Variants in AKAP6 observed in about 807,000 individuals in gnomAD.
AKAP6 encodes the protein A-kinase anchoring protein 6.
Under a neutral mutation model 188.5 loss-of-function variants are expected in AKAP6, and 58 were observed. The observed-to-expected ratio is 0.31, with a 90% CI of 0.25 to 0.38. The LOEUF (loss-of-function observed/expected upper bound fraction) is 0.38, where lower values mean the gene tolerates loss of function less well. AKAP6 is among the 10% of genes least tolerant of loss of function. AKAP6 has a pLI of 1.00. For synonymous variants in AKAP6, 989 were observed against 998.6 expected, an observed-to-expected ratio of 0.99 and a Z score of 0.18; for missense variants, 2,710 against 2,740.0, an observed-to-expected ratio of 0.99 and a Z score of 0.24.
chr14:32,510,436 G>GTATATATATATATACATATATA (rs1555335161), intron 2 of AKAP6, among the ~76,000 whole-genome samples: 48 of 30,214 alleles, frequency 1.6e-3, no homozygotes, highest in South Asian at 3.0e-3. Flanking sequence ...ATATATATAT[G>GTATATATATATATACATATATA]TGTATATATA....
intron 1 of AKAP6, among the ~76,000 whole-genome samples, chr14:32,382,679 T>C (rs544408704): frequency 1.8e-4 from 27 of 152,174 alleles, no homozygotes; most frequent in South Asian, 6.2e-4. Flanking sequence ...TACAGTGGCA[T>C]GTCCAGAGAA....
At chr14:32,732,921 C>T (rs976696457) in intron 10 of AKAP6, 3 of 493,950 alleles carry the variant, frequency 6.1e-6, no homozygotes, top group South Asian at 3.5e-5. Flanking sequence ...TACTGACTGT[C>T]ATGCTTGAAT....
chr14:32,626,679 C>T (rs921480957), intron 7 of AKAP6, among the ~76,000 whole-genome samples: 2 of 152,054 alleles, frequency 1.3e-5, no homozygotes, highest in Non-Finnish European at 2.9e-5. Flanking sequence ...TTCATCCAAC[C>T]TCTATTTCTT....
chr14:32,565,001 A>T (rs2139220413), intron 4 of AKAP6, among the ~76,000 whole-genome samples: 1 of 152,288 alleles, frequency 6.6e-6, no homozygotes, highest in East Asian at 1.9e-4. Context: ...AGAATCATTG[A>T]GATAGACAAC....
At chr14:32,429,761 A>T (rs959060735) in intron 1 of AKAP6, among the ~76,000 whole-genome samples, 1 of 152,208 alleles carries the variant, frequency 6.6e-6, no homozygotes, top group African/African-American at 2.4e-5. Context: ...GTGTAGTCTG[A>T]TCAGTTGAAT....
chr14:32,741,063 G>A (rs112531938), intron 11 of AKAP6, among the ~76,000 whole-genome samples: 37 of 136,934 alleles, frequency 2.7e-4, no homozygotes, highest in African/African-American at 8.7e-4. Context: ...TTTCATCAAT[G>A]TTTTGTTATT....
At chr14:32,547,350 T>C (rs1466897414) in intron 4 of AKAP6, among the ~76,000 whole-genome samples, 2 of 152,230 alleles carry the variant, frequency 1.3e-5, no homozygotes, top group African/African-American at 4.8e-5. Context: ...CTCAGGAATA[T>C]ATGCATAGAC....
chr14:32,810,657 G>A (rs1315097830), intron 12 of AKAP6, among the ~76,000 whole-genome samples: 1 of 152,182 alleles, frequency 6.6e-6, no homozygotes, highest in Non-Finnish European at 1.5e-5. Context: ...TAGCATCAGT[G>A]TAACTTGTGA....
At chr14:32,379,065 T>C (rs1888255969) in intron 1 of AKAP6, among the ~76,000 whole-genome samples, 2 of 151,908 alleles carry the variant, frequency 1.3e-5, no homozygotes, top group African/African-American at 4.8e-5. Context: ...ATTACGGGCA[T>C]GCACCACCAC....
chr14:32,421,922 C>G (rs1017625687), intron 1 of AKAP6, among the ~76,000 whole-genome samples: 15 of 152,160 alleles, frequency 9.9e-5, no homozygotes, highest in Admixed American at 9.2e-4. Flanking sequence ...TCTCAACATT[C>G]AGAATGTCTG....
chr14:32,485,328 A>G (rs1262031020), intron 2 of AKAP6, among the ~76,000 whole-genome samples: 1 of 152,122 alleles, frequency 6.6e-6, no homozygotes, highest in Non-Finnish European at 1.5e-5. Context: ...GTATACACCC[A>G]GTAATGGGAC....
rs74041638 is a variant in AKAP6 at position 32,592,554 on chromosome 14, T to C, written c.2470-6856T>C. On this transcript the variant is annotated intron_variant, in intron 5 of 13. Transcript: ENST00000280979. ...AAACTTTAAGCAATCCAGGTACATT[T>C]CAAGGCAGATATGTAGCCTGTGAAG... 3.1e-3 allele frequency among the ~76,000 whole-genome samples: 466 copies of C among 152,234 alleles called. 7 individuals carry two copies. Among genetic ancestry groups the C allele is most frequent in the African/African-American group, 0.011 (444 of 41,558 alleles).
rs1029404652 is a variant in AKAP6, at chr14:32,462,651, C to T, written c.324+28834C>T. ...CAAAATATAAAGACCAATTACACTA[C>T]GAAGAAACTGCATCAACTAATATGC... On this transcript the variant is annotated intron_variant, in intron 2 of 13. Coordinates refer to ENST00000280979, the MANE Select transcript of AKAP6 (RefSeq NM_004274.5). 4.6e-5 allele frequency among the ~76,000 whole-genome samples: 7 copies of T among 151,994 alleles called. No homozygotes were observed. The East Asian group carries it at 5.8e-4, about 13-fold the overall frequency.
chr14:32,730,480 A>G (rs567807879), intron 9 of AKAP6, among the ~76,000 whole-genome samples: 3 of 152,270 alleles, frequency 2.0e-5, no homozygotes, highest in African/African-American at 4.8e-5. Flanking sequence ...GTGTAAGACT[A>G]TCATTTTTAT....
intron 9 of AKAP6, among the ~76,000 whole-genome samples, chr14:32,720,204 A>G (rs1326934927): frequency 2.0e-5 from 3 of 152,344 alleles, no homozygotes; most frequent in African/African-American, 4.8e-5. Flanking sequence ...TCAAATATTC[A>G]AGATACTCTG....
chr14:32,781,821 G>T (rs1010958189), intron 12 of AKAP6, among the ~76,000 whole-genome samples: 1 of 152,058 alleles, frequency 6.6e-6, no homozygotes, highest in Non-Finnish European at 1.5e-5. Flanking sequence ...TGCTGAAAAA[G>T]CATTTGCCAA....
intron 12 of AKAP6, among the ~76,000 whole-genome samples, chr14:32,786,296 ATCTTTTTTTTT>A (rs1359715227): frequency 1.9e-4 from 18 of 93,704 alleles, no homozygotes; most frequent in African/African-American, 4.5e-4. Context: ...CTAAACCTTT[ATCTTTTTTTTT>A]TTTTTTTTTT....
chr14:32,387,304 T>C (rs1419035370), intron 1 of AKAP6, among the ~76,000 whole-genome samples: 1 of 152,012 alleles, frequency 6.6e-6, no homozygotes, highest in African/African-American at 2.4e-5. Context: ...GTCTGATTGC[T>C]CTGGCTAGGA....
At chr14:32,437,907 C>T (rs1053605005) in intron 2 of AKAP6, among the ~76,000 whole-genome samples, 1 of 152,020 alleles carries the variant, frequency 6.6e-6, no homozygotes, top group Non-Finnish European at 1.5e-5. Context: ...TTTAATGGTT[C>T]TTATCACTAG....
Sources: gnomAD v4.1 joint callset for allele counts (sites outside exome capture counted in the v4.1 genomes callset) on GRCh38, gnomAD v4.1.1 for gene constraint, MANE v1.5 for transcripts, NCBI Gene and HGNC (gene_info 2026-07-23, HGNC 2026-07-21) for gene names.